The following IGDCC4 variants were observed in gnomAD, a reference collection of about 807,000 sequenced individuals.
IGDCC4 encodes immunoglobulin superfamily DCC subclass member 4.
Under a neutral mutation model 116.6 loss-of-function variants are expected in IGDCC4, and 72 were observed. That is an observed-to-expected ratio of 0.62 (90% confidence interval 0.51 to 0.75). The LOEUF (loss-of-function observed/expected upper bound fraction) is 0.75, where lower values mean the gene tolerates loss of function less well. Among genes scored for constraint, IGDCC4 ranks in the 30% least tolerant of loss-of-function variants. IGDCC4 has a pLI of 0.00. For synonymous variants in IGDCC4, 709 were observed against 719.9 expected, an observed-to-expected ratio of 0.98 and a Z score of 0.24; for missense variants, 1,501 against 1,662.4, an observed-to-expected ratio of 0.90 and a Z score of 1.69.
rs940731734 is a variant in IGDCC4 at position 65,420,243 on chromosome 15, G to A, written c.70+2550C>T. Among the ~76,000 whole-genome samples the A allele has an allele frequency of 1.1e-4, 16 of 152,240 alleles. 1 individual carries two copies. Among genetic ancestry groups the A allele is most frequent in the Admixed American group, 7.9e-4 (12 of 15,274 alleles). On this transcript the variant is annotated intron_variant, in intron 1 of 19. Coordinates refer to ENST00000352385, the MANE Select transcript of IGDCC4 (RefSeq NM_020962.3). ...ATTACAGGCGTGAGCCACCGCACCC[G>A]GCCTATTTCTTACTTTCCTCTCTCT... is the stretch of plus-strand genomic sequence containing the variant.
At chr15:65,398,847 G>A (rs1342473983) in intron 5 of IGDCC4, among the ~76,000 whole-genome samples, 11 of 151,572 alleles carry the variant, frequency 7.3e-5, no homozygotes, top group South Asian at 2.1e-4. Context: ...CAGAGATCGC[G>A]CCACTGCACT....
intron 2 of IGDCC4, chr15:65,410,534 A>G: frequency 1.7e-6 from 1 of 594,896 alleles, no homozygotes. Context: ...CCCCCTGCCC[A>G]ACATCATCAT....
chr15:65,407,200 A>G (rs891328426), intron 3 of IGDCC4, among the ~76,000 whole-genome samples: 1 of 151,860 alleles, frequency 6.6e-6, no homozygotes, highest in Admixed American at 6.6e-5. Context: ...AATACCTACC[A>G]TATCCATATG....
In IGDCC4 at chr15:65,411,382, A is replaced by T. The variant is rs1219181064; in HGVS notation, c.71-12T>A. On this transcript the variant is annotated splice_polypyrimidine_tract_variant and intron_variant, in intron 1 of 19. Coordinates refer to ENST00000352385, the MANE Select transcript of IGDCC4 (RefSeq NM_020962.3). ...CAACAGCAGCTCCCCTGCATAGAGG[A>T]GGAGCACGGGGCCATCAGTGTATGT... 6.5e-7 allele frequency: 1 copy of T among 1,543,710 alleles called. No homozygotes were observed. The highest frequency in any genetic ancestry group is 8.8e-7 in the Non-Finnish European group (1 of 1,142,060).
intron 7 of IGDCC4, among the ~76,000 whole-genome samples, chr15:65,395,471 C>A (rs1406498514): frequency 6.6e-6 from 1 of 152,154 alleles, no homozygotes; most frequent in Non-Finnish European, 1.5e-5. Context: ...GAAATGACCC[C>A]CCTCTCCAGT....
intron 12 of IGDCC4, among the ~76,000 whole-genome samples, chr15:65,390,591 C>G (rs930625344): frequency 1.3e-5 from 2 of 152,130 alleles, no homozygotes; most frequent in African/African-American, 4.8e-5. Flanking sequence ...AACCATGGAA[C>G]CAGACTCTGG....
intron 3 of IGDCC4, among the ~76,000 whole-genome samples, chr15:65,408,055 A>C (rs1389075474): frequency 6.6e-6 from 1 of 152,214 alleles, no homozygotes; most frequent in Non-Finnish European, 1.5e-5. Context: ...GGCGTGAGTC[A>C]CCGCGCCCAG....
Position 65,422,801 on chromosome 15 carries a change from G to T in IGDCC4, c.62C>A (p.Ala21Asp). ...GLLALTFCLL[A>D]ARGELLLPQE... ...CGGGCGCCCGCCCTTACCGCGCGCG[G>T]CCAACAGGCAGAAGGTCAACGCGAG... The change falls in exon 1 of 20, where the codon GCC (alanine) becomes GAC (aspartate). Residue 21 changes from alanine (A) to aspartate (D), a missense_variant. Transcript: ENST00000352385. 1 of 1,316,578 alleles carries T rather than the reference G, an allele frequency of 7.6e-7. No individual in the cohort carries two copies. The highest frequency in any genetic ancestry group is 1.9e-5 in the South Asian group (1 of 52,194). 81.6% of individuals were successfully genotyped at this position (1,316,578 alleles called of 1,614,324 possible). A position where few individuals can be genotyped will look rare whatever the true frequency, so the allele number is the denominator to read the frequency against.
intron 3 of IGDCC4, among the ~76,000 whole-genome samples, chr15:65,407,647 T>C (rs2063052421): frequency 6.7e-6 from 1 of 149,946 alleles, no homozygotes; most frequent in Admixed American, 6.7e-5. Flanking sequence ...CTGGCCTAAG[T>C]TTTGTATTTT....
At position 65,422,789 on chromosome 15, in the gene IGDCC4, T is replaced by G; in HGVS notation, c.70+4A>C. On this transcript the variant is annotated splice_donor_region_variant and intron_variant, in intron 1 of 19. Coordinates refer to ENST00000352385, the MANE Select transcript of IGDCC4 (RefSeq NM_020962.3). ...CTCCTGCCTCTCCGGGCGCCCGCCC[T>G]TACCGCGCGCGGCCAACAGGCAGAA... The G allele has an allele frequency of 7.6e-7, 1 of 1,318,282 alleles. No individual in the cohort carries two copies. The highest frequency in any genetic ancestry group is 9.7e-7 in the Non-Finnish European group (1 of 1,033,532). The allele number at this position is 1,318,282 out of a possible 1,614,324, so 81.7% of individuals were successfully genotyped here.
In IGDCC4 at chr15:65,410,314, C is replaced by A. The variant is rs146119608; in HGVS notation, c.427G>T (p.Ala143Ser). 5 of 1,613,774 alleles carry A rather than the reference C, an allele frequency of 3.1e-6. No individual in the cohort carries two copies. Among genetic ancestry groups the A allele is most frequent in the South Asian group, 2.2e-5 (2 of 91,074 alleles). Residue 143 changes from alanine to serine, a missense_variant, in exon 3 of 20, where the codon GCA becomes TCA. Coordinates refer to ENST00000352385, the MANE Select transcript of IGDCC4 (RefSeq NM_020962.3). ...GACTCCGGGTGCAGAGAGAAGTCTG[C>A]GAGTGCTGGGGACAGTGAGACACAG... Reference protein sequence around the residue: ...QTAVVKLATLADFSLHPESQT... With the variant: ...QTAVVKLATLSDFSLHPESQT...
At chr15:65,388,352 G>A in intron 16 of IGDCC4, 97 bp downstream of exon 16, 8 of 1,535,022 alleles carry the variant, frequency 5.2e-6, no homozygotes, top group Non-Finnish European at 7.1e-6. Context: ...CACCAAACCT[G>A]GAGGACAGCT....
chr15:65,390,961 G>C (rs1416251747), intron 12 of IGDCC4, among the ~76,000 whole-genome samples: 1 of 152,172 alleles, frequency 6.6e-6, no homozygotes, highest in East Asian at 1.9e-4. Context: ...AGCTGGGTGT[G>C]GTGGCTCACA....
chr15:65,384,125 G>A lies in IGDCC4; in HGVS notation c.3637C>T (p.Leu1213Phe). ...AASASCSYPD[L>F]QPGEVLEETP... is the part of the protein sequence containing the mutation. ...TCCTCTAGCACCTCGCCTGGCTGGA[G>A]GTCCGGGTAGGAGCAGGAAGCACTG... is the stretch of plus-strand genomic sequence containing the variant. Residue 1213 changes from leucine to phenylalanine, a missense_variant, in exon 20 of 20, where the codon CTC becomes TTC. Physicochemically the swap from Leu to Phe is conservative, Grantham distance 22. Around this residue, in one of 3 missense-constraint regions of IGDCC4, gnomAD observed 368 missense variants for 355.6 expected, o/e 1.03. Transcript: ENST00000352385. The surrounding 1 kb of genome is among the most constrained non-coding windows in gnomAD (Gnocchi z 4.9). 3 of 1,613,440 alleles carry A rather than the reference G, an allele frequency of 1.9e-6. No homozygotes were observed. Among genetic ancestry groups the A allele is most frequent in the Non-Finnish European group, 2.5e-6 (3 of 1,179,754 alleles).
At chr15:65,413,024 A>ATG (rs59690408) in intron 1 of IGDCC4, among the ~76,000 whole-genome samples, 27,993 of 145,846 alleles carry the variant, frequency 0.19, 2,762 homozygotes, top group East Asian at 0.44. Flanking sequence ...GTGTGAGAAA[A>ATG]TGTGTGTGTG....
At chr15:65,397,484 G>A (rs1156617152) in intron 5 of IGDCC4, among the ~76,000 whole-genome samples, 1 of 152,144 alleles carries the variant, frequency 6.6e-6, no homozygotes, top group Non-Finnish European at 1.5e-5. Context: ...AATGCAAATA[G>A]CCAAGAAACA....
At chr15:65,386,528 G>A (rs780180921) in intron 17 of IGDCC4, 23 bp downstream of exon 17, 1 of 1,573,236 alleles carries the variant, frequency 6.4e-7, no homozygotes, top group South Asian at 1.2e-5. Context: ...CTTCCCTGAA[G>A]TCAGACTGGC....
At position 65,392,298 on chromosome 15, in the gene IGDCC4, G is replaced by T; in HGVS notation, c.1958C>A (p.Pro653His). The T allele has an allele frequency of 1.3e-6, 2 of 1,596,600 alleles. No homozygotes were observed. Among genetic ancestry groups the T allele is most frequent in the Non-Finnish European group, 1.7e-6 (2 of 1,168,840 alleles). Residue 653 changes from proline to histidine, a missense_variant, in exon 11 of 20, where the codon CCT becomes CAT. By Grantham distance (77) the Pro-to-His change is moderately conservative (BLOSUM62 -2). Around this residue, in one of 3 missense-constraint regions of IGDCC4, gnomAD observed 898 missense variants for 978.9 expected, o/e 0.92. Transcript: ENST00000352385. ...GTAGCCAGAGATCTGGGTGGGGTGA[G>T]GGGGTGGCTGCCATGACACGACCAG... is the stretch of plus-strand genomic sequence containing the variant. ...ESLVVSWQPP[P>H]HPTQISGYKL...
At position 65,385,479 on chromosome 15, in the gene IGDCC4, A is replaced by G. The variant is rs1328698478; in HGVS notation, c.3180+352T>C. 5.7e-6 allele frequency: 3 copies of G among 525,066 alleles called. No individual in the cohort carries two copies. The African/African-American group carries it at 5.7e-5, about 10-fold the overall frequency. 32.5% of individuals were successfully genotyped at this position (525,066 alleles called of 1,614,324 possible). A position where few individuals can be genotyped will look rare whatever the true frequency, so the allele number is the denominator to read the frequency against. ...CTCACCTTATCCTGGTCCCAGTCCC[A>G]CTTGGCCACAGCCAAGCCGACTGGC... On this transcript the variant is annotated intron_variant, in intron 18 of 19. Transcript: ENST00000352385.
Sources: allele counts gnomAD v4.1 joint callset (sites outside exome capture counted in the v4.1 genomes callset), GRCh38; gene constraint gnomAD v4.1.1; regional missense constraint gnomAD v4.1.1; non-coding constraint Gnocchi (gnomAD v3.1); transcripts MANE v1.5; gene names NCBI Gene and HGNC (gene_info 2026-07-23, HGNC 2026-07-21).